PHACTR4: variants seen among roughly 807,000 people sequenced by gnomAD.
PHACTR4 encodes protein phosphatase 1, regulatory subunit 124.
In PHACTR4, 51 loss-of-function variants were observed where a neutral mutation model predicts 72.7. The observed-to-expected ratio is 0.70, with a 90% CI of 0.56 to 0.89. The LOEUF (loss-of-function observed/expected upper bound fraction) is 0.89. Among genes scored for constraint, PHACTR4 ranks in the 40% least tolerant of loss-of-function variants. PHACTR4 has a pLI of 0.00. For missense variants in PHACTR4, 731 were observed against 861.8 expected (o/e 0.85, Z 1.90); for synonymous variants, 255 against 302.5 (o/e 0.84, Z 1.63).
At chr1:28,484,607 TCCATATATATATATGGATTTGATGG>T (rs1037214867) in intron 9 of PHACTR4, among the ~76,000 whole-genome samples, 1 of 151,798 alleles carries the variant, frequency 6.6e-6, no homozygotes, top group African/African-American at 2.4e-5. Context: ...TGTATATATG[TCCATATATATATATGGATTTGATGG>T]CCATATAAAC....
At chr1:28,443,820 T>G (rs950515668) in intron 2 of PHACTR4, among the ~76,000 whole-genome samples, 1 of 152,190 alleles carries the variant, frequency 6.6e-6, no homozygotes, top group African/African-American at 2.4e-5. Context: ...TATCCATTCA[T>G]CTGTTGTTGA....
intron 1 of PHACTR4, among the ~76,000 whole-genome samples, chr1:28,406,567 A>G (rs1049694029): frequency 6.6e-6 from 1 of 152,186 alleles, no homozygotes; most frequent in African/African-American, 2.4e-5. Flanking sequence ...CGAGTAGCCC[A>G]TGAGCCACTG....
At chr1:28,459,392 CTTCTT>C (rs1358409512) in intron 3 of PHACTR4, 134 bp downstream of exon 3, 27 of 401,642 alleles carry the variant, frequency 6.7e-5, no homozygotes, top group African/African-American at 4.7e-4. Flanking sequence ...TTCTTTCCTT[CTTCTT>C]TTTTTTTTTT....
chr1:28,496,686 T>A lies in PHACTR4; in HGVS notation c.*137T>A, dbSNP rs770068213. 35 of 975,444 alleles carry A rather than the reference T, an allele frequency of 3.6e-5. No individual in the cohort carries two copies. The highest frequency in any genetic ancestry group is 2.9e-4 in the Admixed American group (16 of 55,238). 60.4% of individuals were successfully genotyped at this position (975,444 alleles called of 1,614,324 possible). ...GGATCTTCTGAGGTGGACAGCACTT[T>A]GAATGTAGCATTTCACTGGAACAGA... On this transcript the variant is annotated 3_prime_UTR_variant, in exon 14 of 14. Coordinates refer to ENST00000373839, the MANE Select transcript of PHACTR4 (RefSeq NM_001048183.3).
chr1:28,473,790 G>C lies in PHACTR4; in HGVS notation c.1060G>C (p.Glu354Gln). 6.2e-7 allele frequency: 1 copy of C among 1,613,922 alleles called. No individual in the cohort carries two copies. The highest frequency in any genetic ancestry group is 8.5e-7 in the Non-Finnish European group (1 of 1,180,002). Residue 354 changes from glutamate to glutamine, a missense_variant, in exon 7 of 14, where the codon GAG becomes CAG. Around this residue, in one of 2 missense-constraint regions of PHACTR4, gnomAD observed 621 missense variants for 676.6 expected, o/e 0.92. Transcript: ENST00000373839. ...SPPLPTHIPP[E>Q]PPRTPPFPAK... ...CCCACTGCCTACTCATATACCTCCA[G>C]AGCCTCCACGCACCCCTCCATTCCC... is the stretch of plus-strand genomic sequence containing the variant.
At chr1:28,422,033 A>T (rs1317724093) in intron 2 of PHACTR4, among the ~76,000 whole-genome samples, 1 of 152,198 alleles carries the variant, frequency 6.6e-6, no homozygotes, top group African/African-American at 2.4e-5. Context: ...CAGGAAAAAG[A>T]TGAGTAAGTT....
intron 8 of PHACTR4, 87 bp downstream of exon 8, chr1:28,476,378 G>A (rs1186990457): frequency 3.0e-6 from 4 of 1,334,124 alleles, no homozygotes; most frequent in Admixed American, 5.8e-5. Context: ...AAGAGATATG[G>A]AAACAGGTAC....
intron 1 of PHACTR4, among the ~76,000 whole-genome samples, chr1:28,402,127 G>A (rs1653987864): frequency 6.6e-6 from 1 of 152,104 alleles, no homozygotes; most frequent in African/African-American, 2.4e-5. Context: ...AAGAGTCAAG[G>A]ATGACACCTT....
At chr1:28,411,332 C>T (rs1020085464) in intron 2 of PHACTR4, among the ~76,000 whole-genome samples, 2 of 152,160 alleles carry the variant, frequency 1.3e-5, no homozygotes, top group Non-Finnish European at 1.5e-5. Flanking sequence ...CAGGTGTGAG[C>T]CCGGCCTGAG....
intron 2 of PHACTR4, among the ~76,000 whole-genome samples, chr1:28,435,465 A>G (rs1656571997): frequency 6.6e-6 from 1 of 152,150 alleles, no homozygotes; most frequent in African/African-American, 2.4e-5. Flanking sequence ...GGGTTTCACC[A>G]TGTTGGCCAG....
chr1:28,444,782 A>ATTTTTTTTTTTTTTTT (rs577693546), intron 2 of PHACTR4, among the ~76,000 whole-genome samples: 2 of 116,678 alleles, frequency 1.7e-5, no homozygotes, highest in African/African-American at 7.3e-5. Context: ...CACCCAGCTA[A>ATTTTTTTTTTTTTTTT]TTTTTTTTTT....
intron 1 of PHACTR4, among the ~76,000 whole-genome samples, chr1:28,373,532 C>T (rs1651409819): frequency 6.6e-6 from 1 of 152,054 alleles, no homozygotes; most frequent in South Asian, 2.1e-4. Flanking sequence ...TCAGATGATC[C>T]GCCCACCTCA....
At chr1:28,491,600 T>C in intron 11 of PHACTR4, 50 bp from the exon 12 acceptor site, 5 of 1,613,136 alleles carry the variant, frequency 3.1e-6, no homozygotes, top group African/African-American at 1.3e-5. Context: ...GAATGCATGA[T>C]TGATGCCTAA....
intron 2 of PHACTR4, among the ~76,000 whole-genome samples, chr1:28,425,602 T>C (rs929625570): frequency 6.6e-6 from 1 of 152,306 alleles, no homozygotes; most frequent in African/African-American, 2.4e-5. Flanking sequence ...GAAAATGATA[T>C]TGTTTAAGGA....
intron 2 of PHACTR4, among the ~76,000 whole-genome samples, chr1:28,439,451 A>G (rs1357020504): frequency 6.6e-6 from 1 of 152,166 alleles, no homozygotes; most frequent in Non-Finnish European, 1.5e-5. Context: ...AAATATCTTC[A>G]GTATTTTTCA....
intron 1 of PHACTR4, among the ~76,000 whole-genome samples, chr1:28,378,569 G>GCCCCC (rs71027274): frequency 1.1e-4 from 7 of 63,614 alleles, no homozygotes; most frequent in Admixed American, 2.0e-4. Flanking sequence ...TCTCCCCCCA[G>GCCCCC]CCCCCCCCCC....
chr1:28,447,522 T>G (rs1657574170), intron 2 of PHACTR4, among the ~76,000 whole-genome samples: 2 of 151,850 alleles, frequency 1.3e-5, no homozygotes, highest in Admixed American at 6.6e-5. Context: ...CCCAAGTAGC[T>G]GGCATTACAG....
intron 2 of PHACTR4, among the ~76,000 whole-genome samples, chr1:28,420,230 A>G (rs147095226): frequency 1.1e-4 from 16 of 152,178 alleles, no homozygotes; most frequent in African/African-American, 3.6e-4. Context: ...TTCCCACCCA[A>G]ATCTCATCAT....
At chr1:28,473,466 CTG>C in intron 6 of PHACTR4, 86 bp from the exon 7 acceptor site, 1 of 955,264 alleles carries the variant, frequency 1.0e-6, no homozygotes, top group Non-Finnish European at 1.6e-6. Flanking sequence ...AAGATTAAAA[CTG>C]AACTCAACTT....
Sources: gnomAD v4.1 joint callset for allele counts (sites outside exome capture counted in the v4.1 genomes callset) on GRCh38, gnomAD v4.1.1 for gene constraint, gnomAD v4.1.1 regional missense constraint, MANE v1.5 for transcripts, NCBI Gene and HGNC (gene_info 2026-07-23, HGNC 2026-07-21) for gene names.